Variants in OOSP4A observed in about 807,000 individuals in gnomAD.
The protein encoded by OOSP4A is oocyte secreted protein family member 4A, also known as oocyte-secreted protein 4A.
intron 2 of OOSP4A, 99 bp downstream of exon 2, chr11:59,965,812 GTTAAT>G (rs1302468685): frequency 5.3e-5 from 21 of 396,648 alleles, no homozygotes; most frequent in Non-Finnish European, 7.5e-5. Flanking sequence ...TTAATTGTCA[GTTAAT>G]TTAATAGTTC....
At chr11:59,965,638 C>T in exon 2 of OOSP4A, 1 of 398,570 alleles carries the variant, frequency 2.5e-6, no homozygotes, top group Non-Finnish European at 4.4e-6. Context: ...TAGGAATTGG[C>T]TGTCCTGTAA....
At chr11:59,969,919 T>C (rs1310350252) in intron 4 of OOSP4A, 130 bp from the exon 5 acceptor site, 2 of 391,674 alleles carry the variant, frequency 5.1e-6, no homozygotes, top group African/African-American at 2.1e-5. Flanking sequence ...ATTAGAATAT[T>C]ATAATGGTCC....
chr11:59,969,199 C>A, exon 4 of OOSP4A: 1 of 398,778 alleles, frequency 2.5e-6, no homozygotes, highest in Non-Finnish European at 4.4e-6. Context: ...TGATAGCCGT[C>A]GTGAATGCAG....
At chr11:59,965,862 A>G in intron 2 of OOSP4A, 149 bp downstream of exon 2, 1 of 395,068 alleles carries the variant, frequency 2.5e-6, no homozygotes, top group East Asian at 3.6e-5. Flanking sequence ...ACATTTTTGG[A>G]TGTTGCTTCT....
intron 4 of OOSP4A, among the ~76,000 whole-genome samples, chr11:59,969,723 T>C (rs78514863): frequency 0.027 from 4,148 of 152,306 alleles, 193 homozygotes; most frequent in African/African-American, 0.092. Context: ...CTTTGGACTT[T>C]AGTATGCTAG....
rs1854108868 is a variant in OOSP4A, at chr11:59,967,082, A to AT, written c.264dup (p.Leu89SerfsTer3). 2 of 398,112 alleles carry AT rather than the reference A, an allele frequency of 5.0e-6. No homozygotes were observed. The highest frequency in any genetic ancestry group is 4.1e-5 in the African/African-American group (2 of 48,616). 24.7% of individuals were successfully genotyped at this position (398,112 alleles called of 1,614,324 possible). Reference sequence around the variant, plus strand: ...ACACCTTTAGGAACATGGAGTAGGTATTCTCATTGAAAGTTTAATTGTATA... The same window carrying AT: ...ACACCTTTAGGAACATGGAGTAGGTATTTCTCATTGAAAGTTTAATTGTATA... On this transcript the variant is annotated frameshift_variant, in exon 3 of 5. Transcript: ENST00000645590. LOFTEE classifies it high-confidence loss of function.
At chr11:59,966,203 T>C (rs1184131686) in intron 2 of OOSP4A, among the ~76,000 whole-genome samples, 1 of 151,920 alleles carries the variant, frequency 6.6e-6, no homozygotes, top group Non-Finnish European at 1.5e-5. Context: ...ATTGTTGCTA[T>C]GTTTTGTAAT....
At chr11:59,965,227 A>G (rs1312835859) in intron 1 of OOSP4A, among the ~76,000 whole-genome samples, 2 of 152,152 alleles carry the variant, frequency 1.3e-5, no homozygotes, top group South Asian at 2.1e-4. Context: ...CAGCACACCA[A>G]CATGGCACAT....
chr11:59,965,151 GA>G (rs1214045367), intron 1 of OOSP4A, among the ~76,000 whole-genome samples: 1 of 113,166 alleles, frequency 8.8e-6, no homozygotes, highest in Non-Finnish European at 1.8e-5. Flanking sequence ...TGGGGTGGGG[GA>G]GGGGGGAGGG....
chr11:59,965,150 G>T (rs1480747600), intron 1 of OOSP4A, among the ~76,000 whole-genome samples: 3 of 119,034 alleles, frequency 2.5e-5, no homozygotes, highest in Admixed American at 9.4e-5. Flanking sequence ...GTGGGGTGGG[G>T]GAGGGGGGAG....
downstream of OOSP4A, chr11:59,970,275 C>T (rs778658409): frequency 2.6e-5 from 10 of 387,878 alleles, no homozygotes; most frequent in East Asian, 1.1e-4. Context: ...ATTTATGAAC[C>T]GTTGGGGTAG....
At position 59,967,053 on chromosome 11, in the gene OOSP4A, C is replaced by T. The variant is rs1362669283; in HGVS notation, c.247-14C>T. Reference sequence around the variant, plus strand: ...AGATATAATTAAGATAATTTATATCCTTTACACCTTTAGGAACATGGAGTA... The same window carrying T: ...AGATATAATTAAGATAATTTATATCTTTTACACCTTTAGGAACATGGAGTA... On this transcript the variant is annotated splice_polypyrimidine_tract_variant and intron_variant, in intron 2 of 4. Transcript: ENST00000645590. The T allele has an allele frequency of 2.5e-6, 1 of 397,722 alleles. No individual in the cohort carries two copies. The allele number at this position is 397,722 out of a possible 1,614,324, so 24.6% of individuals were successfully genotyped here.
intron 1 of OOSP4A, 116 bp from the exon 2 acceptor site, chr11:59,965,419 A>T (rs1854089155): frequency 7.6e-6 from 3 of 396,592 alleles, no homozygotes. Flanking sequence ...TAGGAGCAAA[A>T]CATTTTCACT....
At chr11:59,965,204 G>T (rs1415729595) in intron 1 of OOSP4A, among the ~76,000 whole-genome samples, 1 of 151,356 alleles carries the variant, frequency 6.6e-6, no homozygotes, top group African/African-American at 2.4e-5. Context: ...GTTAAATGAC[G>T]AGTTAATGGG....
intron 2 of OOSP4A, among the ~76,000 whole-genome samples, chr11:59,966,109 A>G (rs1854095637): frequency 6.6e-6 from 1 of 151,942 alleles, no homozygotes; most frequent in African/African-American, 2.4e-5. Context: ...GGGGTATATC[A>G]GTTTATATAG....
At chr11:59,970,224 A>G (rs1854140881), downstream of OOSP4A, 2 of 395,158 alleles carry the variant, frequency 5.1e-6, no homozygotes, top group Non-Finnish European at 8.9e-6. Flanking sequence ...ATCATTTCAA[A>G]TGTGATATTT....
intron 4 of OOSP4A, 95 bp from the exon 5 acceptor site, chr11:59,969,954 T>C: frequency 2.5e-6 from 1 of 395,334 alleles, no homozygotes; most frequent in Non-Finnish European, 4.5e-6. Context: ...TGATGCCTTT[T>C]TCCCACGTTC....
chr11:59,968,924 T>C (rs944567287), intron 3 of OOSP4A, among the ~76,000 whole-genome samples: 5 of 152,216 alleles, frequency 3.3e-5, no homozygotes, highest in Admixed American at 2.0e-4. Context: ...CAGGTCACAA[T>C]AGTACATTTT....
chr11:59,965,584 G>A lies in OOSP4A; in HGVS notation c.117G>A (p.Thr39=), dbSNP rs961872091. 5.0e-5 allele frequency: 20 copies of A among 398,314 alleles called. No individual in the cohort carries two copies. The East Asian group carries it at 5.7e-4, about 11-fold the overall frequency. The allele number at this position is 398,314 out of a possible 1,614,324, so 24.7% of individuals were successfully genotyped here. ...GGCTCCAGGTCAAACTTAGACGAACGCCGCTGTTAAATGACCTGCAACCTT... is the reference window on the plus strand; with the variant it reads ...GGCTCCAGGTCAAACTTAGACGAACACCGCTGTTAAATGACCTGCAACCTT... The change falls in exon 2 of 5, where the codon ACG becomes ACA. Residue 39 remains threonine (T), a synonymous_variant. Transcript: ENST00000645590.
Sources: gnomAD v4.1 joint callset for allele counts (sites outside exome capture counted in the v4.1 genomes callset) on GRCh38, gnomAD v4.1.1 for gene constraint, MANE v1.5 for transcripts, NCBI Gene and HGNC (gene_info 2026-07-23, HGNC 2026-07-21) for gene names.